Variants in LY86 observed in about 807,000 individuals in gnomAD.
LY86 encodes the protein lymphocyte antigen 86.
LY86 carries 20 observed loss-of-function variants against 17.3 expected under a neutral mutation model. That is an observed-to-expected ratio of 1.15 (90% CI 0.81 to 1.68). The LOEUF (loss-of-function observed/expected upper bound fraction) is 1.68. Ranked by LOEUF, LY86 falls within the 40% of genes most tolerant of loss-of-function variation. LY86 has a pLI of 0.00. For missense variants in LY86, 200 were observed against 191.9 expected (o/e 1.04, Z -0.25); for synonymous variants, 74 against 70.6 (o/e 1.05, Z -0.24).
intron 1 of LY86, chr6:6,622,632 G>A (rs909452916): frequency 2.6e-5 from 4 of 152,186 alleles, no homozygotes; most frequent in Admixed American, 6.5e-5. Flanking sequence ...GTGTACTTAC[G>A]TTAGATTTGC....
chr6:6,620,631 C>G (rs1026438073), intron 1 of LY86, among the ~76,000 whole-genome samples: 3 of 152,204 alleles, frequency 2.0e-5, no homozygotes, highest in African/African-American at 7.2e-5. Context: ...CCTACTGATT[C>G]CAGTTGAAAG....
intron 1 of LY86, among the ~76,000 whole-genome samples, chr6:6,612,747 A>G (rs935666764): frequency 6.6e-5 from 10 of 152,180 alleles, no homozygotes; most frequent in African/African-American, 2.2e-4. Flanking sequence ...CCAGTTCCCC[A>G]CTAGATTAGC....
Position 6,654,679 on chromosome 6 carries a change from G to T in LY86, c.*52G>T, listed in dbSNP as rs1762235576. 3 of 1,488,906 alleles carry T rather than the reference G, an allele frequency of 2.0e-6. No individual in the cohort carries two copies. Among genetic ancestry groups the T allele is most frequent in the Non-Finnish European group, 2.8e-6 (3 of 1,067,412 alleles). 92.2% of individuals were successfully genotyped at this position (1,488,906 alleles called of 1,614,324 possible). A position where few individuals can be genotyped will look rare whatever the true frequency, so the allele number is the denominator to read the frequency against. ...CAGCTGCATCTCGTGGGACCTCCAA[G>T]CTCCTCTGACTGAACCTACTGTGGG... is the stretch of plus-strand genomic sequence containing the variant. On this transcript the variant is annotated 3_prime_UTR_variant, in exon 5 of 5. Coordinates refer to ENST00000230568, the MANE Select transcript of LY86 (RefSeq NM_004271.4).
Position 6,636,891 on chromosome 6 carries a change from G to A in LY86, c.352+10470G>A, listed in dbSNP as rs1423158618. ...TTAGCCGAACTCCTACCCTCGAACT[G>A]CAAAAAAAAAAAAAACAGAACTAAA... On this transcript the variant is annotated intron_variant, in intron 3 of 4. Coordinates refer to ENST00000230568, the MANE Select transcript of LY86 (RefSeq NM_004271.4). Among the ~76,000 whole-genome samples, 8 of 72,668 alleles carry A rather than the reference G, an allele frequency of 1.1e-4. No homozygotes were observed. In the East Asian group the frequency reaches 3.9e-3, roughly 36 times the overall value. The allele number at this position is 72,668 out of a possible 152,430, so 47.7% of individuals were successfully genotyped here.
At chr6:6,609,483 T>G (rs1354108569) in intron 1 of LY86, among the ~76,000 whole-genome samples, 1 of 152,160 alleles carries the variant, frequency 6.6e-6, no homozygotes, top group Non-Finnish European at 1.5e-5. Flanking sequence ...GATCTCTTAT[T>G]CTCTATGCAC....
chr6:6,595,631 C>T (rs1760689841), intron 1 of LY86, among the ~76,000 whole-genome samples: 1 of 152,056 alleles, frequency 6.6e-6, no homozygotes. Flanking sequence ...GGAGCCCTAC[C>T]ACATCTCCGT....
chr6:6,630,705 C>T (rs1404092439), intron 3 of LY86, among the ~76,000 whole-genome samples: 2 of 152,128 alleles, frequency 1.3e-5, no homozygotes, highest in African/African-American at 2.4e-5. Context: ...ACACCAAGCG[C>T]GCCGTTACCC....
At position 6,634,528 on chromosome 6, in the gene LY86, T is replaced by C. The variant is rs145708752; in HGVS notation, c.352+8107T>C. Among the ~76,000 whole-genome samples the C allele has an allele frequency of 7.9e-5, 12 of 152,378 alleles. No individual in the cohort carries two copies. The East Asian group carries it at 2.3e-3, about 29-fold the overall frequency. On this transcript the variant is annotated intron_variant, in intron 3 of 4. Transcript: ENST00000230568. The stretch of plus-strand genomic sequence containing the variant: ...TCTGTTGTAATGCTCACTGATTTTA[T>C]ACATACAAATAAGTCAAAGGTGTAA...
chr6:6,630,971 ATATAT>A (rs1761888991), intron 3 of LY86, among the ~76,000 whole-genome samples: 1 of 152,166 alleles, frequency 6.6e-6, no homozygotes, highest in Non-Finnish European at 1.5e-5. Context: ...TTTATCATTA[ATATAT>A]TATTTTAATC....
intron 3 of LY86, among the ~76,000 whole-genome samples, chr6:6,643,857 C>A (rs1197932733): frequency 6.6e-6 from 1 of 152,230 alleles, no homozygotes; most frequent in African/African-American, 2.4e-5. Context: ...ATTTGTCAAT[C>A]ATTTCTCAAT....
chr6:6,593,636 T>C lies in LY86; in HGVS notation c.136+4766T>C, dbSNP rs958796935. Among the ~76,000 whole-genome samples the C allele has an allele frequency of 5.9e-5, 9 of 152,256 alleles. No individual in the cohort carries two copies. The South Asian group carries it at 1.2e-3, about 21-fold the overall frequency. On this transcript the variant is annotated intron_variant, in intron 1 of 4. Transcript: ENST00000230568. Reference sequence around the variant, plus strand: ...TATTTTACAACTGATTGAGGTATAATAGACTCTGAGCTTCCTTGAAGCCAA... The same window carrying C: ...TATTTTACAACTGATTGAGGTATAACAGACTCTGAGCTTCCTTGAAGCCAA...
chr6:6,591,724 T>C (rs978300277), intron 1 of LY86, among the ~76,000 whole-genome samples: 2 of 152,138 alleles, frequency 1.3e-5, no homozygotes, highest in African/African-American at 2.4e-5. Context: ...TGAGGAACTA[T>C]TGATGGAATT....
At chr6:6,637,150 C>A (rs1038289970) in intron 3 of LY86, among the ~76,000 whole-genome samples, 1 of 151,796 alleles carries the variant, frequency 6.6e-6, no homozygotes, top group African/African-American at 2.4e-5. Flanking sequence ...GGAGCTGGGA[C>A]TAGAGGCGCC....
chr6:6,652,055 C>CAAAA (rs61606490), intron 4 of LY86, among the ~76,000 whole-genome samples: 1 of 59,278 alleles, frequency 1.7e-5, no homozygotes, highest in Non-Finnish European at 3.1e-5. Flanking sequence ...GACTCCATCT[C>CAAAA]AAAAAAAAAA....
intron 3 of LY86, among the ~76,000 whole-genome samples, chr6:6,633,607 C>T (rs1310163350): frequency 1.3e-5 from 2 of 152,060 alleles, no homozygotes; most frequent in Non-Finnish European, 2.9e-5. Context: ...TCCAACAGAC[C>T]CCAGTGTGTG....
At chr6:6,605,256 A>G (rs557105855) in intron 1 of LY86, among the ~76,000 whole-genome samples, 5 of 149,816 alleles carry the variant, frequency 3.3e-5, no homozygotes, top group South Asian at 2.2e-4. Context: ...GTTAAAAACA[A>G]TAAGCATTAT....
chr6:6,610,543 A>AG (rs59618443), intron 1 of LY86, among the ~76,000 whole-genome samples: 96 of 108,756 alleles, frequency 8.8e-4, no homozygotes, highest in East Asian at 3.8e-3. Context: ...ACGGAAGCTT[A>AG]GGGGGGGGCA....
At chr6:6,604,923 A>G (rs745326578) in intron 1 of LY86, among the ~76,000 whole-genome samples, 1 of 152,172 alleles carries the variant, frequency 6.6e-6, no homozygotes, top group Admixed American at 6.5e-5. Context: ...ACTCTCATAG[A>G]AAAGAGAAAA....
intron 1 of LY86, among the ~76,000 whole-genome samples, chr6:6,618,144 G>A (rs548589005): frequency 1.8e-4 from 28 of 152,274 alleles, no homozygotes; most frequent in Non-Finnish European, 3.1e-4. Context: ...CCTGGCTAGC[G>A]CATTGTTGAT....
Sources: gnomAD v4.1 joint callset for allele counts (sites outside exome capture counted in the v4.1 genomes callset) on GRCh38, gnomAD v4.1.1 for gene constraint, MANE v1.5 for transcripts, NCBI Gene and HGNC (gene_info 2026-07-23, HGNC 2026-07-21) for gene names.